The following MMRN1 variants were observed in gnomAD, a reference collection of about 807,000 sequenced individuals.
The protein encoded by MMRN1 is multimerin-1.
In MMRN1, 94 loss-of-function variants were observed where a neutral mutation model predicts 100.7. The observed-to-expected ratio is 0.93, with a 90% confidence interval of 0.79 to 1.11. MMRN1 has a LOEUF of 1.11. Ranked by LOEUF, MMRN1 falls within the 50% of genes least tolerant of loss-of-function variation. The pLI, the probability that MMRN1 is intolerant of heterozygous loss-of-function variation, is 0.00. For synonymous variants in MMRN1, 575 were observed against 505.0 expected, an observed-to-expected ratio of 1.14 and a Z score of -1.86; for missense variants, 1,606 against 1,439.1, an observed-to-expected ratio of 1.12 and a Z score of -1.88.
intron 7 of MMRN1, among the ~76,000 whole-genome samples, chr4:89,952,203 A>G (rs1723202571): frequency 6.6e-6 from 1 of 152,194 alleles, no homozygotes; most frequent in Non-Finnish European, 1.5e-5. Flanking sequence ...TAATGGCACC[A>G]TTTTGACTGT....
At position 89,936,057 on chromosome 4, in the gene MMRN1, A is replaced by G; in HGVS notation, c.2377A>G (p.Asn793Asp). The G allele has an allele frequency of 6.2e-7, 1 of 1,612,088 alleles. No homozygotes were observed. Among genetic ancestry groups the G allele is most frequent in the Non-Finnish European group, 8.5e-7 (1 of 1,179,340 alleles). ...NDSIQTLVND[N>D]QRYNFVLQVA... is the part of the protein sequence containing the mutation. ...TTCTATTCAGACTTTGGTCAATGAC[A>G]ATCAGAGATATAACTTTGTTTTGCA... The change falls in exon 6 of 8, where the codon AAT becomes GAT. Residue 793 changes from asparagine to aspartate, a missense_variant. By Grantham distance (23) the Asn-to-Asp change is conservative. Coordinates refer to ENST00000264790, the MANE Select transcript of MMRN1 (RefSeq NM_007351.3).
chr4:89,898,845 C>T (rs1560580458), intron 1 of MMRN1, among the ~76,000 whole-genome samples: 1 of 152,080 alleles, frequency 6.6e-6, no homozygotes. Context: ...CCCCTGTTCA[C>T]TGCACTTACG....
At chr4:89,911,003 C>A (rs1221025716) in intron 2 of MMRN1, among the ~76,000 whole-genome samples, 1 of 151,330 alleles carries the variant, frequency 6.6e-6, no homozygotes. Context: ...CACAGCTCTA[C>A]CCCTTTTAGA....
At chr4:89,932,296 G>C (rs1285702495) in intron 5 of MMRN1, among the ~76,000 whole-genome samples, 1 of 152,170 alleles carries the variant, frequency 6.6e-6, no homozygotes, top group Non-Finnish European at 1.5e-5. Flanking sequence ...CATCCCTGTG[G>C]CTTTGCAGGG....
intron 1 of MMRN1, among the ~76,000 whole-genome samples, chr4:89,904,558 T>C (rs1288338569): frequency 6.6e-6 from 1 of 151,802 alleles, no homozygotes; most frequent in Non-Finnish European, 1.5e-5. Flanking sequence ...TTGTGTCTTG[T>C]TTATTTCACT....
chr4:89,879,762 C>CT (rs1214061240), intron 1 of MMRN1, among the ~76,000 whole-genome samples: 1 of 151,960 alleles, frequency 6.6e-6, no homozygotes, highest in Admixed American at 6.6e-5. Flanking sequence ...CATAATTTTC[C>CT]TTTATAATGG....
At chr4:89,888,368 C>A (rs980697736) in intron 1 of MMRN1, among the ~76,000 whole-genome samples, 2 of 150,766 alleles carry the variant, frequency 1.3e-5, no homozygotes, top group African/African-American at 4.9e-5. Context: ...AGATGTAATT[C>A]TATTGCTCTC....
upstream of MMRN1, among the ~76,000 whole-genome samples, chr4:89,890,242 T>G (rs1401557515): frequency 6.6e-6 from 1 of 151,050 alleles, no homozygotes; most frequent in African/African-American, 2.4e-5. Flanking sequence ...GCTTTTTTTT[T>G]TTTTTTTCCC....
At chr4:89,887,362 C>G (rs1442268435) in intron 1 of MMRN1, among the ~76,000 whole-genome samples, 5 of 151,918 alleles carry the variant, frequency 3.3e-5, no homozygotes, top group Non-Finnish European at 7.4e-5. Context: ...GCAAAAAGAA[C>G]AAAGTTGGAG....
At chr4:89,917,035 C>G (rs1249631708) in intron 3 of MMRN1, among the ~76,000 whole-genome samples, 2 of 151,636 alleles carry the variant, frequency 1.3e-5, no homozygotes, top group Non-Finnish European at 2.9e-5. Flanking sequence ...ATGACATGCT[C>G]CTACTGAAGT....
intron 7 of MMRN1, among the ~76,000 whole-genome samples, chr4:89,952,253 AC>A (rs1223081910): frequency 1.3e-5 from 2 of 152,198 alleles, no homozygotes; most frequent in Non-Finnish European, 2.9e-5. Flanking sequence ...ATTAAGTAAA[AC>A]AAGATGGCTT....
At chr4:89,918,991 G>A (rs1347804787) in intron 3 of MMRN1, among the ~76,000 whole-genome samples, 1 of 151,510 alleles carries the variant, frequency 6.6e-6, no homozygotes, top group Non-Finnish European at 1.5e-5. Flanking sequence ...AAGAGTTCAA[G>A]TTTCATTAAT....
At chr4:89,896,239 C>G (rs1721203268) in intron 1 of MMRN1, among the ~76,000 whole-genome samples, 1 of 152,132 alleles carries the variant, frequency 6.6e-6, no homozygotes, top group African/African-American at 2.4e-5. Flanking sequence ...ATGCATGCTC[C>G]TCACAGAATA....
chr4:89,903,920 G>A (rs1560582403), intron 1 of MMRN1, among the ~76,000 whole-genome samples: 1 of 142,664 alleles, frequency 7.0e-6, no homozygotes, highest in Admixed American at 7.2e-5. Context: ...AAAACTCTAG[G>A]CACAGAAATA....
Position 89,951,879 on chromosome 4 carries a change from T to C in MMRN1, c.3265+128T>C, listed in dbSNP as rs1463188195. ...TCCACTTGACAATTCCTTTTACTTTTTCGAAACTTACTGAAGAATGTACCT... is the reference window on the plus strand; with the variant it reads ...TCCACTTGACAATTCCTTTTACTTTCTCGAAACTTACTGAAGAATGTACCT... On this transcript the variant is annotated intron_variant, in intron 7 of 7. Transcript: ENST00000264790. The C allele has an allele frequency of 7.3e-6, 8 of 1,095,418 alleles. No homozygotes were observed. The East Asian group carries it at 2.3e-4, about 32-fold the overall frequency. The allele number at this position is 1,095,418 out of a possible 1,614,324, so 67.9% of individuals were successfully genotyped here. A position where few individuals can be genotyped will look rare whatever the true frequency, so the allele number is the denominator to read the frequency against.
upstream of MMRN1, among the ~76,000 whole-genome samples, chr4:89,890,470 G>A (rs1384547859): frequency 1.3e-5 from 2 of 151,908 alleles, no homozygotes; most frequent in African/African-American, 4.8e-5. Context: ...GGGTCACCTA[G>A]CCATTCTGCC....
chr4:89,895,089 C>A lies in MMRN1; in HGVS notation c.118C>A (p.Pro40Thr), dbSNP rs764060846. ...PEDGNSQKTM[P>T]SASVPPNKIQ... ...GGATGGGAACTCTCAGAAGACTATG[C>A]CTTCTGCTTCAGTTCCTCCAAATAA... is the stretch of plus-strand genomic sequence containing the variant. Residue 40 changes from proline (P) to threonine (T), a missense_variant, in exon 1 of 8, where the codon CCT (proline) becomes ACT (threonine). Pro to Thr is a conservative substitution (Grantham distance 38). Coordinates refer to ENST00000264790, the MANE Select transcript of MMRN1 (RefSeq NM_007351.3). 1.9e-6 allele frequency: 3 copies of A among 1,613,738 alleles called. No homozygotes were observed. Among genetic ancestry groups the A allele is most frequent in the Non-Finnish European group, 1.7e-6 (2 of 1,179,882 alleles).
chr4:89,897,686 A>G (rs1347049277), intron 1 of MMRN1, among the ~76,000 whole-genome samples: 1 of 152,196 alleles, frequency 6.6e-6, no homozygotes, highest in East Asian at 1.9e-4. Flanking sequence ...TGTGTTATCC[A>G]AGGTCCTTGC....
chr4:89,935,543 G>A lies in MMRN1; in HGVS notation c.1863G>A (p.Leu621=), dbSNP rs778995707. 5 of 1,613,054 alleles carry A rather than the reference G, an allele frequency of 3.1e-6. No homozygotes were observed. Among genetic ancestry groups the A allele is most frequent in the Non-Finnish European group, 4.2e-6 (5 of 1,179,650 alleles). ...EENLHVLNQT[L]AEVLFPMDNK... ...ATTTACATGTGTTAAATCAAACATTGGCTGAAGTTCTCTTTCCAATGGACA... is the reference window on the plus strand; with the variant it reads ...ATTTACATGTGTTAAATCAAACATTAGCTGAAGTTCTCTTTCCAATGGACA... Residue 621 remains leucine (L), a synonymous_variant, in exon 6 of 8, where the codon TTG becomes TTA. Coordinates refer to ENST00000264790, the MANE Select transcript of MMRN1 (RefSeq NM_007351.3).
Sources: gnomAD v4.1 joint callset for allele counts (sites outside exome capture counted in the v4.1 genomes callset) on GRCh38, gnomAD v4.1.1 for gene constraint, MANE v1.5 for transcripts, NCBI Gene and HGNC (gene_info 2026-07-23, HGNC 2026-07-21) for gene names.